The following SORBS2 variants were observed in gnomAD, a reference collection of about 807,000 sequenced individuals.
SORBS2 encodes sorbin and SH3 domain-containing protein 2.
Under a neutral mutation model 97.7 loss-of-function variants are expected in SORBS2, and 46 were observed. The observed-to-expected ratio is 0.47, with a 90% CI of 0.37 to 0.60. The LOEUF (loss-of-function observed/expected upper bound fraction) is 0.60, where lower values mean the gene tolerates loss of function less well. SORBS2 is among the 20% of genes least tolerant of loss of function. The probability of loss-of-function intolerance (pLI) is 0.00; values close to 1 mark genes in which losing one functional copy is unlikely to be tolerated. For missense variants in SORBS2, 1,316 were observed against 1,282.3 expected (o/e 1.03, Z -0.40); for synonymous variants, 476 against 473.4 (o/e 1.01, Z -0.07).
At chr4:185,839,406 C>T (rs186593227) in intron 1 of SORBS2, among the ~76,000 whole-genome samples, 2 of 152,306 alleles carry the variant, frequency 1.3e-5, no homozygotes, top group East Asian at 3.9e-4. Context: ...GACTCATTTC[C>T]TTACTGCAGT....
At chr4:185,827,935 CCATCATCATCATCAT>C (rs539610381) in intron 1 of SORBS2, among the ~76,000 whole-genome samples, 1 of 137,498 alleles carries the variant, frequency 7.3e-6, no homozygotes, top group African/African-American at 2.9e-5. Context: ...ACCATCATCA[CCATCATCATCATCAT>C]CATCGTCACC....
intron 1 of SORBS2, among the ~76,000 whole-genome samples, chr4:185,926,144 C>T (rs560998065): frequency 4.6e-5 from 7 of 152,320 alleles, no homozygotes; most frequent in Admixed American, 3.3e-4. Context: ...TGGGATCTCA[C>T]GTGAAACAAA....
intron 1 of SORBS2, among the ~76,000 whole-genome samples, chr4:185,922,597 CTTGTT>C (rs1209491813): frequency 2.0e-5 from 3 of 152,278 alleles, no homozygotes; most frequent in Admixed American, 6.5e-5. Flanking sequence ...TGCTTTCCTT[CTTGTT>C]TTATCATTTG....
At chr4:185,627,077 A>AG in intron 5 of SORBS2, 58 bp from the exon 18 acceptor site, 1 of 1,515,624 alleles carries the variant, frequency 6.6e-7, no homozygotes. Context: ...GGTGTGCACC[A>AG]GAAAAACCGG....
At chr4:185,853,998 C>T (rs2099219364) in intron 1 of SORBS2, among the ~76,000 whole-genome samples, 2 of 152,308 alleles carry the variant, frequency 1.3e-5, no homozygotes, top group African/African-American at 4.8e-5. Flanking sequence ...AAATGAAATA[C>T]TCCATACGTG....
chr4:185,851,691 A>C (rs1396272666), intron 1 of SORBS2, among the ~76,000 whole-genome samples: 3 of 152,136 alleles, frequency 2.0e-5, no homozygotes, highest in Non-Finnish European at 4.4e-5. Flanking sequence ...GGCACCATCT[A>C]ATCAGCTGCC....
At chr4:185,809,482 A>AAAAC (rs1561170208) in intron 1 of SORBS2, among the ~76,000 whole-genome samples, 3 of 148,006 alleles carry the variant, frequency 2.0e-5, no homozygotes, top group Admixed American at 6.8e-5. Flanking sequence ...AAAAAAAAAA[A>AAAAC]TCTGATATAG....
chr4:185,749,127 C>T (rs557835359), intron 2 of SORBS2, among the ~76,000 whole-genome samples: 2 of 152,318 alleles, frequency 1.3e-5, no homozygotes, highest in East Asian at 3.9e-4. Flanking sequence ...AGGCACATTG[C>T]CCCAGCTAAC....
chr4:185,841,616 A>G (rs10015539), intron 1 of SORBS2, among the ~76,000 whole-genome samples: 31,885 of 152,138 alleles, frequency 0.21, 3,449 homozygotes, highest in African/African-American at 0.27. Context: ...GAGTAGGTGC[A>G]TGGGTTTTGG....
intron 13 of SORBS2, among the ~76,000 whole-genome samples, chr4:185,592,314 TATAAA>T (rs1452677937): frequency 6.6e-6 from 1 of 152,212 alleles, no homozygotes; most frequent in African/African-American, 2.4e-5. Flanking sequence ...TATAATCAAA[TATAAA>T]TTTAATAAAC....
At position 185,606,090 on chromosome 4, in the gene SORBS2, T is replaced by C. The variant is rs767551436; in HGVS notation, c.2796+5690A>G. ...TGTTGTCTTTGTTTATTATTAGCAT[T>C]ATTATTTTTGCAAAGTGCCGTTATG... is the stretch of plus-strand genomic sequence containing the variant. On this transcript the variant is annotated intron_variant, in intron 12 of 14. Coordinates refer to ENST00000418609, the Ensembl canonical transcript of SORBS2. This position sits in a 1 kb window ranked among gnomAD's most constrained non-coding sequence, Gnocchi z 4.3. 1 of 985,358 alleles carries C rather than the reference T, an allele frequency of 1.0e-6. No individual in the cohort carries two copies. Among genetic ancestry groups the C allele is most frequent in the African/African-American group, 1.7e-5 (1 of 57,356 alleles). The allele number at this position is 985,358 out of a possible 1,614,324, so 61.0% of individuals were successfully genotyped here.
chr4:185,919,194 C>T (rs1444105577), intron 1 of SORBS2: 1 of 152,184 alleles, frequency 6.6e-6, no homozygotes, highest in African/African-American at 2.4e-5. Flanking sequence ...TTCATTACCA[C>T]TTACATAGTT....
chr4:185,908,615 G>A (rs948063385), intron 1 of SORBS2, among the ~76,000 whole-genome samples: 1 of 151,868 alleles, frequency 6.6e-6, no homozygotes, highest in Non-Finnish European at 1.5e-5. Flanking sequence ...TTCTGAAGCT[G>A]TACTGTGTTT....
At chr4:185,596,497 T>C (rs2096092240) in intron 12 of SORBS2, among the ~76,000 whole-genome samples, 2 of 151,684 alleles carry the variant, frequency 1.3e-5, no homozygotes, top group Admixed American at 6.6e-5. Flanking sequence ...GGAGAACGTA[T>C]GTTCCTGTGT....
At chr4:185,891,883 G>A (rs1422873154) in intron 1 of SORBS2, among the ~76,000 whole-genome samples, 1 of 151,984 alleles carries the variant, frequency 6.6e-6, no homozygotes, top group Non-Finnish European at 1.5e-5. Context: ...CTCCAGGTTG[G>A]GAGTGCAGTG....
upstream of SORBS2, among the ~76,000 whole-genome samples, chr4:185,660,916 A>G (rs1018149160): frequency 2.0e-5 from 3 of 152,110 alleles, no homozygotes; most frequent in South Asian, 4.2e-4. Context: ...CTGAATTCCT[A>G]TGATAGTTCA....
intron 2 of SORBS2, among the ~76,000 whole-genome samples, chr4:185,769,527 G>A (rs781336618): frequency 9.2e-5 from 14 of 152,162 alleles, no homozygotes; most frequent in Non-Finnish European, 2.1e-4. Flanking sequence ...TCTTGCTCTT[G>A]TTGCCCAGGC....
intron 12 of SORBS2, chr4:185,594,150 G>A (rs2096027792): frequency 1.8e-6 from 1 of 547,710 alleles, no homozygotes; most frequent in Non-Finnish European, 3.2e-6. Context: ...AAGGTCAAAT[G>A]TTTTGAACAT....
At chr4:185,651,909 C>T in intron 2 of SORBS2, 81 bp from the exon 11 acceptor site, 1 of 756,084 alleles carries the variant, frequency 1.3e-6, no homozygotes, top group African/African-American at 1.8e-5. Flanking sequence ...AGACAAACAA[C>T]AGAAATTTGT....
Sources: gnomAD v4.1 joint callset for allele counts (sites outside exome capture counted in the v4.1 genomes callset) on GRCh38, gnomAD v4.1.1 for gene constraint, Gnocchi (gnomAD v3.1) non-coding constraint, MANE v1.5 for transcripts, NCBI Gene and HGNC (gene_info 2026-07-23, HGNC 2026-07-21) for gene names.